RLF: variants seen among roughly 807,000 people sequenced by gnomAD.
RLF encodes RLF zinc finger, also known as zinc finger protein Rlf.
RLF carries 7 observed loss-of-function variants against 162.9 expected under a neutral mutation model. The observed-to-expected ratio is 0.04, with a 90% CI of 0.02 to 0.08. The LOEUF (loss-of-function observed/expected upper bound fraction) is 0.08, where lower values mean the gene tolerates loss of function less well. Among genes scored for constraint, RLF ranks in the 10% least tolerant of loss-of-function variants. The probability of loss-of-function intolerance (pLI) is 1.00; values close to 1 mark genes in which losing one functional copy is unlikely to be tolerated. For missense variants in RLF, 1,664 were observed against 2,244.7 expected, an observed-to-expected ratio of 0.74 and a Z score of 5.23; for synonymous variants, 782 against 791.5, an observed-to-expected ratio of 0.99 and a Z score of 0.20.
At position 40,201,453 on chromosome 1, in the gene RLF, C is replaced by T. The variant is rs369746852; in HGVS notation, c.608-959C>T. Among the ~76,000 whole-genome samples the T allele has an allele frequency of 8.6e-5, 13 of 151,692 alleles. 1 individual carries two copies. The highest frequency in any genetic ancestry group is 3.9e-4 in the East Asian group (2 of 5,116). The stretch of plus-strand genomic sequence containing the variant: ...ATCCTGGCTAACAACGGTGAAACCC[C>T]GTCTCTACTAAAAATACAATAAATT... On this transcript the variant is annotated intron_variant, in intron 4 of 7. Transcript: ENST00000372771.
chr1:40,195,527 T>C, intron 3 of RLF, 105 bp from the exon 4 acceptor site: 3 of 874,770 alleles, frequency 3.4e-6, no homozygotes, highest in Non-Finnish European at 3.4e-6. Context: ...TTTCAGGAAA[T>C]CCAAATAGGT....
rs763733969 is a variant in RLF at position 40,238,080 on chromosome 1, G to A, written c.3378G>A (p.Pro1126=). The change falls in exon 8 of 8, where the codon CCG becomes CCA. Residue 1126 remains proline, a synonymous_variant. Coordinates refer to ENST00000372771, the MANE Select transcript of RLF (RefSeq NM_012421.4). This position sits in a 1 kb window ranked among gnomAD's most constrained non-coding sequence, Gnocchi z 5.2. ...SQYLAQLAAK[P]FFCELQGCKY... is the part of the protein sequence containing the mutation. ...ACCTTGCACAGTTGGCGGCTAAGCCGTTTTTCTGTGAGCTTCAAGGATGCA... is the reference window on the plus strand; with the variant it reads ...ACCTTGCACAGTTGGCGGCTAAGCCATTTTTCTGTGAGCTTCAAGGATGCA... The A allele has an allele frequency of 1.2e-5, 20 of 1,613,912 alleles. No homozygotes were observed. The highest frequency in any genetic ancestry group is 5.3e-5 in the African/African-American group (4 of 74,916).
At position 40,236,025 on chromosome 1, in the gene RLF, T is replaced by G; in HGVS notation, c.1323T>G (p.Asp441Glu). The change falls in exon 8 of 8, where the codon GAT becomes GAG. Residue 441 changes from aspartate to glutamate, a missense_variant. This residue lies in a region of RLF where 287 missense variants were observed against 404.9 expected (regional missense o/e 0.71). Coordinates refer to ENST00000372771, the MANE Select transcript of RLF (RefSeq NM_012421.4). This position sits in a 1 kb window ranked among gnomAD's most constrained non-coding sequence, Gnocchi z 7.7. ...ATTTGCAACCAGATCAAAAATTTGA[T>G]GAAGAAAATGCACCGGTTCCAAATT... ...ELYLQPDQKF[D>E]EENAPVPNSL... 1 of 1,613,348 alleles carries G rather than the reference T, an allele frequency of 6.2e-7. No homozygotes were observed. Among genetic ancestry groups the G allele is most frequent in the African/African-American group, 1.3e-5 (1 of 74,948 alleles).
Position 40,202,373 on chromosome 1 carries a change from GGTAT to G in RLF, c.608-36_608-33del, listed in dbSNP as rs1387566695. ...TCTTAGCAAGTCTGACATGTTATGTGGTATGTTGTCAAACTGTTTTATTTTTCAT... is the reference window on the plus strand; with the variant it reads ...TCTTAGCAAGTCTGACATGTTATGTGGTTGTCAAACTGTTTTATTTTTCAT... On this transcript the variant is annotated intron_variant, in intron 4 of 7. Coordinates refer to ENST00000372771, the MANE Select transcript of RLF (RefSeq NM_012421.4). 2.3e-6 allele frequency: 3 copies of G among 1,283,092 alleles called. No homozygotes were observed. The South Asian group carries it at 4.1e-5, about 17-fold the overall frequency. The allele number at this position is 1,283,092 out of a possible 1,614,324, so 79.5% of individuals were successfully genotyped here.
intron 1 of RLF, among the ~76,000 whole-genome samples, chr1:40,162,462 A>G (rs148805195): frequency 6.6e-6 from 1 of 152,194 alleles, no homozygotes; most frequent in East Asian, 1.9e-4. Context: ...ATTGGCCATT[A>G]TTATTTCTGC....
intron 4 of RLF, among the ~76,000 whole-genome samples, chr1:40,198,301 CTT>C (rs34816285): frequency 0.012 from 1,500 of 123,762 alleles, 12 homozygotes; most frequent in African/African-American, 0.02. Flanking sequence ...CGCCCGGCCT[CTT>C]TTTTTTTTTT....
intron 1 of RLF, among the ~76,000 whole-genome samples, chr1:40,164,053 CTGATTGTG>C (rs1327743532): frequency 6.6e-6 from 1 of 152,148 alleles, no homozygotes; most frequent in Non-Finnish European, 1.5e-5. Context: ...TTAAGGAACA[CTGATTGTG>C]TGACAGTTCT....
chr1:40,181,220 A>G (rs1295068873), intron 1 of RLF, among the ~76,000 whole-genome samples: 1 of 152,112 alleles, frequency 6.6e-6, no homozygotes, highest in Non-Finnish European at 1.5e-5. Flanking sequence ...ACTTGAGGTC[A>G]GGAGTTTGAG....
intron 6 of RLF, among the ~76,000 whole-genome samples, chr1:40,229,996 C>A (rs1476822877): frequency 6.6e-6 from 1 of 151,844 alleles, no homozygotes; most frequent in Non-Finnish European, 1.5e-5. Context: ...TGCCTGTAAT[C>A]CCAGCTACTT....
At position 40,203,132 on chromosome 1, in the gene RLF, T is replaced by G. The variant is rs997733932; in HGVS notation, c.810+518T>G. On this transcript the variant is annotated intron_variant, in intron 5 of 7. Transcript: ENST00000372771. The stretch of plus-strand genomic sequence containing the variant: ...GTCTTTTTTTTTTTTTTTTTTTTTT[T>G]GAGACAAGGTCTTGCTCTGTCACCC... Among the ~76,000 whole-genome samples the G allele has an allele frequency of 8.4e-5, 12 of 143,044 alleles. 1 individual carries two copies. Among genetic ancestry groups the G allele is most frequent in the East Asian group, 4.0e-4 (2 of 4,960 alleles). 93.8% of individuals were successfully genotyped at this position (143,044 alleles called of 152,430 possible).
intron 5 of RLF, among the ~76,000 whole-genome samples, chr1:40,208,833 T>C (rs1321790117): frequency 6.6e-6 from 1 of 152,124 alleles, no homozygotes; most frequent in South Asian, 2.1e-4. Context: ...AAAAAAACTT[T>C]GAATTTTATA....
chr1:40,181,712 T>C (rs906151021), intron 1 of RLF, among the ~76,000 whole-genome samples: 2 of 152,236 alleles, frequency 1.3e-5, no homozygotes, highest in Non-Finnish European at 2.9e-5. Flanking sequence ...TCCTCACAAG[T>C]TATATTAAAA....
At chr1:40,228,871 C>T (rs1478279201) in intron 6 of RLF, among the ~76,000 whole-genome samples, 3 of 152,192 alleles carry the variant, frequency 2.0e-5, no homozygotes, top group Admixed American at 1.3e-4. Flanking sequence ...CAGCTTACTG[C>T]AGCCTTAAAT....
chr1:40,168,385 A>G (rs1445713898), intron 1 of RLF, among the ~76,000 whole-genome samples: 2 of 152,110 alleles, frequency 1.3e-5, no homozygotes, highest in African/African-American at 4.8e-5. Context: ...GGCTGGGACT[A>G]CAGGTGTGTG....
Position 40,240,541 on chromosome 1 carries a change from T to C in RLF, c.*94T>C, listed in dbSNP as rs1306787850. On this transcript the variant is annotated 3_prime_UTR_variant, in exon 8 of 8. Coordinates refer to ENST00000372771, the MANE Select transcript of RLF (RefSeq NM_012421.4). ...AAAGGCTGAGAAGCAGCCACACCGTTGTTTAGGGTAGAATAGGCTGTGTAT... is the reference window on the plus strand; with the variant it reads ...AAAGGCTGAGAAGCAGCCACACCGTCGTTTAGGGTAGAATAGGCTGTGTAT... 2.3e-6 allele frequency: 2 copies of C among 863,902 alleles called. No homozygotes were observed. The highest frequency in any genetic ancestry group is 3.7e-6 in the Non-Finnish European group (2 of 539,434). 53.5% of individuals were successfully genotyped at this position (863,902 alleles called of 1,614,324 possible).
rs568969800 is a variant in RLF, at chr1:40,233,164, A to C, written c.1089+1506A>C. Among the ~76,000 whole-genome samples, 6 of 152,178 alleles carry C rather than the reference A, an allele frequency of 3.9e-5. No homozygotes were observed. In the South Asian group the frequency reaches 1.2e-3, roughly 32 times the overall value. On this transcript the variant is annotated intron_variant, in intron 7 of 7. Coordinates refer to ENST00000372771, the MANE Select transcript of RLF (RefSeq NM_012421.4). ...TATGTGCGCTTGCAACAGTATGCCA[A>C]GTCACTCTTGATCCCTCACCTTCCT... is the stretch of plus-strand genomic sequence containing the variant.
intron 4 of RLF, among the ~76,000 whole-genome samples, chr1:40,196,830 C>T (rs1389242359): frequency 6.6e-6 from 1 of 152,160 alleles, no homozygotes; most frequent in Non-Finnish European, 1.5e-5. Flanking sequence ...GCAAAATTGT[C>T]AGTCGAAGAC....
intron 6 of RLF, among the ~76,000 whole-genome samples, chr1:40,228,427 G>A (rs1381164225): frequency 6.6e-6 from 1 of 150,632 alleles, no homozygotes; most frequent in African/African-American, 2.4e-5. Flanking sequence ...CTAAAAATAC[G>A]AAAATTAGCT....
intron 1 of RLF, among the ~76,000 whole-genome samples, chr1:40,165,256 A>T (rs1380398598): frequency 1.3e-5 from 2 of 152,170 alleles, no homozygotes; most frequent in Non-Finnish European, 2.9e-5. Flanking sequence ...GTTTACTCCT[A>T]TTCAGGAGTT....
Sources: gnomAD v4.1 joint callset for allele counts (sites outside exome capture counted in the v4.1 genomes callset) on GRCh38, gnomAD v4.1.1 for gene constraint, gnomAD v4.1.1 regional missense constraint, Gnocchi (gnomAD v3.1) non-coding constraint, MANE v1.5 for transcripts, NCBI Gene and HGNC (gene_info 2026-07-23, HGNC 2026-07-21) for gene names.